The following CSMD1 variants were observed in gnomAD, a reference collection of about 807,000 sequenced individuals.
The protein encoded by CSMD1 is CUB and sushi domain-containing protein 1.
Under a neutral mutation model 417.5 loss-of-function variants are expected in CSMD1, and 213 were observed. The ratio of observed to expected loss-of-function variants is 0.51; its 90% CI spans 0.46 to 0.57. CSMD1 has a LOEUF of 0.57. Ranked by LOEUF, CSMD1 falls within the 20% of genes least tolerant of loss-of-function variation. CSMD1 has a pLI of 0.00. For missense variants in CSMD1, 6,923 were observed against 4,529.7 expected (o/e 1.53, Z -15.17); for synonymous variants, 2,862 against 1,736.8 (o/e 1.65, Z -16.11).
intron 11 of CSMD1, among the ~76,000 whole-genome samples, chr8:3,471,653 T>A (rs1309874154): frequency 7.2e-6 from 1 of 138,338 alleles, no homozygotes; most frequent in African/African-American, 2.6e-5. Context: ...TCCTCTCTCC[T>A]TCCTTCCTTT....
intron 18 of CSMD1, chr8:3,375,010 A>G (rs1213445968): frequency 6.6e-6 from 1 of 152,172 alleles, no homozygotes; most frequent in Non-Finnish European, 1.5e-5. Flanking sequence ...CGTGTTAGAG[A>G]CGGCAGTGGG....
intron 1 of CSMD1, among the ~76,000 whole-genome samples, chr8:4,744,481 A>T (rs1285428068): frequency 6.6e-6 from 1 of 152,158 alleles, no homozygotes; most frequent in East Asian, 1.9e-4. Context: ...GTGAGGAATT[A>T]TATTTATTTA....
chr8:3,888,669 A>G (rs1806733465), intron 5 of CSMD1, among the ~76,000 whole-genome samples: 1 of 152,112 alleles, frequency 6.6e-6, no homozygotes, highest in Non-Finnish European at 1.5e-5. Context: ...CTCATTGTGC[A>G]CTGAGAGAGA....
At position 3,445,138 on chromosome 8, in the gene CSMD1, C is replaced by A. The variant is rs142602062; in HGVS notation, c.1561+23574G>T. On this transcript the variant is annotated intron_variant, in intron 12 of 69. Transcript: ENST00000635120. The stretch of plus-strand genomic sequence containing the variant: ...AGCAACATATAAACTAATATACTTA[C>A]AACCTACATCAAACAATCACAATCA... Among the ~76,000 whole-genome samples, 1,235 of 152,294 alleles carry A rather than the reference C, an allele frequency of 8.1e-3. 9 individuals are homozygous for A. The highest frequency in any genetic ancestry group is 0.028 in the African/African-American group (1,151 of 41,566).
intron 9 of CSMD1, among the ~76,000 whole-genome samples, chr8:3,583,762 G>A (rs750024659): frequency 3.3e-5 from 5 of 152,078 alleles, no homozygotes; most frequent in African/African-American, 9.7e-5. Flanking sequence ...AAGGCAGAGC[G>A]TGTGGCTGCG....
At position 4,253,573 on chromosome 8, in the gene CSMD1, A is replaced by T. The variant is rs1438890551; in HGVS notation, c.415+166380T>A. On this transcript the variant is annotated intron_variant, in intron 3 of 69. Coordinates refer to ENST00000635120, the MANE Select transcript of CSMD1 (RefSeq NM_033225.6). Reference sequence around the variant, plus strand: ...TCTTGGAGAACATTTGATCTGGTATACTTCAAAGCAGTAAAATGAGATGAG... The same window carrying T: ...TCTTGGAGAACATTTGATCTGGTATTCTTCAAAGCAGTAAAATGAGATGAG... Among the ~76,000 whole-genome samples, 7 of 152,208 alleles carry T rather than the reference A, an allele frequency of 4.6e-5. No individual in the cohort carries two copies. The East Asian group carries it at 1.3e-3, about 29-fold the overall frequency.
intron 4 of CSMD1, among the ~76,000 whole-genome samples, chr8:4,007,083 C>G (rs969253512): frequency 1.3e-5 from 2 of 152,058 alleles, no homozygotes; most frequent in Non-Finnish European, 2.9e-5. Context: ...CGTGATCCAG[C>G]CACCTCGGCC....
chr8:3,541,151 T>C (rs6995657), intron 10 of CSMD1, among the ~76,000 whole-genome samples: 57,442 of 151,994 alleles, frequency 0.38, 11,435 homozygotes, highest in East Asian at 0.47. Context: ...AATGACAGAC[T>C]GGATAAAGAA....
chr8:3,837,713 C>G (rs902543644), intron 5 of CSMD1, among the ~76,000 whole-genome samples: 2 of 152,094 alleles, frequency 1.3e-5, no homozygotes, highest in African/African-American at 4.8e-5. Flanking sequence ...AGGTTGAGAA[C>G]ACATAACTAC....
chr8:3,511,320 G>T (rs977960618), intron 10 of CSMD1, among the ~76,000 whole-genome samples: 2 of 151,516 alleles, frequency 1.3e-5, no homozygotes, highest in African/African-American at 2.4e-5. Context: ...AATGGCATGT[G>T]TATACCTATG....
At chr8:3,313,576 G>C (rs759806589) in intron 23 of CSMD1, among the ~76,000 whole-genome samples, 1 of 152,106 alleles carries the variant, frequency 6.6e-6, no homozygotes, top group Admixed American at 6.6e-5. Context: ...TATCTCACAC[G>C]AGTTAGAATG....
At chr8:3,658,665 C>A (rs1798252830) in intron 7 of CSMD1, among the ~76,000 whole-genome samples, 4 of 151,842 alleles carry the variant, frequency 2.6e-5, no homozygotes. Flanking sequence ...TGCCTGTAAT[C>A]CCAGCTACTC....
At chr8:4,860,357 C>T (rs1035804473) in intron 1 of CSMD1, among the ~76,000 whole-genome samples, 5 of 151,046 alleles carry the variant, frequency 3.3e-5, no homozygotes, top group African/African-American at 9.8e-5. Context: ...CACATGTATA[C>T]ATATGTAACT....
Position 4,584,419 on chromosome 8 carries a change from A to C in CSMD1, c.302+52923T>G, listed in dbSNP as rs532099456. On this transcript the variant is annotated intron_variant, in intron 2 of 69. Transcript: ENST00000635120. ...TTTTTCATTAGAATTCGGGGGCTAA[A>C]TACCGGGCACCTGTCGGCCAGTTAA... Among the ~76,000 whole-genome samples, 3 of 152,206 alleles carry C rather than the reference A, an allele frequency of 2.0e-5. No homozygotes were observed. In the East Asian group the frequency reaches 5.8e-4, roughly 30 times the overall value.
intron 2 of CSMD1, among the ~76,000 whole-genome samples, chr8:4,574,483 T>C (rs1344557708): frequency 1.3e-5 from 2 of 152,236 alleles, no homozygotes; most frequent in East Asian, 3.9e-4. Context: ...AGTGAAATGA[T>C]CCATGTACCT....
intron 10 of CSMD1, among the ~76,000 whole-genome samples, chr8:3,503,843 A>C (rs867874946): frequency 2.4e-3 from 172 of 72,994 alleles, no homozygotes; most frequent in Non-Finnish European, 2.7e-3. Context: ...GCCCCCCCCC[A>C]ACCCCCACAC....
At chr8:4,131,147 T>C (rs937764562) in intron 3 of CSMD1, among the ~76,000 whole-genome samples, 3 of 152,178 alleles carry the variant, frequency 2.0e-5, no homozygotes, top group Non-Finnish European at 4.4e-5. Flanking sequence ...AATCATAATG[T>C]AGATTTTAGA....
At chr8:3,462,704 C>T (rs1055421540) in intron 12 of CSMD1, among the ~76,000 whole-genome samples, 8 of 152,142 alleles carry the variant, frequency 5.3e-5, no homozygotes, top group African/African-American at 1.9e-4. Flanking sequence ...AAATGCAATG[C>T]ACTTCAGTCA....
chr8:3,724,368 A>C (rs1339320105), intron 6 of CSMD1, among the ~76,000 whole-genome samples: 1 of 152,024 alleles, frequency 6.6e-6, no homozygotes, highest in South Asian at 2.1e-4. Flanking sequence ...AAATATACTT[A>C]TTTTCATAAA....
Sources: allele counts gnomAD v4.1 joint callset (sites outside exome capture counted in the v4.1 genomes callset), GRCh38; gene constraint gnomAD v4.1.1; transcripts MANE v1.5; gene names NCBI Gene and HGNC (gene_info 2026-07-23, HGNC 2026-07-21).